Variants in PTPRT observed in about 807,000 individuals in gnomAD.
PTPRT encodes the protein receptor-type tyrosine-protein phosphatase T.
PTPRT carries 56 observed loss-of-function variants against 176.8 expected under a neutral mutation model. That is an observed-to-expected ratio of 0.32 (90% CI 0.26 to 0.40). PTPRT has a LOEUF of 0.40. Ranked by LOEUF, PTPRT falls within the 10% of genes least tolerant of loss-of-function variation. PTPRT has a pLI of 1.00. For missense variants in PTPRT, 1,540 were observed against 1,908.2 expected, an observed-to-expected ratio of 0.81 and a Z score of 3.60; for synonymous variants, 783 against 739.0, an observed-to-expected ratio of 1.06 and a Z score of -0.96.
intron 9 of PTPRT, among the ~76,000 whole-genome samples, chr20:42,411,400 C>T (rs1211191779): frequency 6.6e-6 from 1 of 151,082 alleles, no homozygotes; most frequent in Admixed American, 6.6e-5. Context: ...GCCTGTAATC[C>T]CAGCTACTCA....
intron 7 of PTPRT, among the ~76,000 whole-genome samples, chr20:42,593,648 T>C (rs1405344806): frequency 6.6e-6 from 1 of 152,134 alleles, no homozygotes; most frequent in Non-Finnish European, 1.5e-5. Flanking sequence ...CACATTAAGA[T>C]TAATAATGAC....
At chr20:43,025,980 G>A (rs1985892855) in intron 1 of PTPRT, among the ~76,000 whole-genome samples, 1 of 152,126 alleles carries the variant, frequency 6.6e-6, no homozygotes, top group African/African-American at 2.4e-5. Flanking sequence ...CATTCACTTG[G>A]ATGTTTAGGT....
chr20:42,141,822 T>C, intron 18 of PTPRT, 93 bp downstream of exon 18: 1 of 1,207,386 alleles, frequency 8.3e-7, no homozygotes, highest in East Asian at 2.3e-5. Flanking sequence ...CAAAGATTAT[T>C]TGATAACAAA....
At chr20:42,921,967 G>A (rs565014235) in intron 1 of PTPRT, among the ~76,000 whole-genome samples, 54 of 152,142 alleles carry the variant, frequency 3.5e-4, no homozygotes, top group African/African-American at 9.4e-4. Flanking sequence ...ATGGAGTCTC[G>A]CTGTGTCACC....
chr20:42,274,535 CAGTG>C (rs2056993108), intron 13 of PTPRT, among the ~76,000 whole-genome samples: 2 of 104,744 alleles, frequency 1.9e-5, no homozygotes, highest in African/African-American at 5.2e-5. Flanking sequence ...AGGCCCTGTA[CAGTG>C]TGTGTGTGTG....
At chr20:42,182,282 T>C (rs892249066) in intron 16 of PTPRT, among the ~76,000 whole-genome samples, 6 of 152,184 alleles carry the variant, frequency 3.9e-5, no homozygotes, top group African/African-American at 1.2e-4. Flanking sequence ...GAGTTTGTTT[T>C]TTAAAATTGA....
chr20:42,250,758 G>T (rs982344743), intron 13 of PTPRT, among the ~76,000 whole-genome samples: 1 of 152,138 alleles, frequency 6.6e-6, no homozygotes, highest in Non-Finnish European at 1.5e-5. Flanking sequence ...TCATTATTTT[G>T]CCATTGAGTG....
intron 1 of PTPRT, 117 bp from the exon 2 acceptor site, chr20:42,886,049 C>CTTTATATATATA (rs58536258): frequency 9.3e-6 from 4 of 431,362 alleles, no homozygotes; most frequent in African/African-American, 6.8e-5. Context: ...AGAAGATTTT[C>CTTTATATATATA]CATATATATA....
At chr20:42,445,112 C>T (rs563921135) in intron 9 of PTPRT, among the ~76,000 whole-genome samples, 36 of 152,102 alleles carry the variant, frequency 2.4e-4, no homozygotes, top group African/African-American at 2.9e-4. Flanking sequence ...ATGCTAATGC[C>T]GCTGGTCTAT....
chr20:42,211,879 A>G (rs1398234811), intron 15 of PTPRT, among the ~76,000 whole-genome samples: 1 of 151,766 alleles, frequency 6.6e-6, no homozygotes, highest in African/African-American at 2.4e-5. Flanking sequence ...TCACAATAGC[A>G]AAGACTTGGA....
chr20:43,048,358 G>A (rs1303202228), intron 1 of PTPRT, among the ~76,000 whole-genome samples: 11 of 152,188 alleles, frequency 7.2e-5, no homozygotes, highest in Non-Finnish European at 1.5e-4. Flanking sequence ...TGGTTATTAA[G>A]TCCCTTTCTG....
chr20:42,411,381 G>C (rs2059014982), intron 9 of PTPRT, among the ~76,000 whole-genome samples: 3 of 151,876 alleles, frequency 2.0e-5, no homozygotes. Context: ...GCCAGGCATG[G>C]TGGTGTGCGC....
intron 2 of PTPRT, 38 bp downstream of exon 2, chr20:42,885,769 C>T: frequency 6.3e-7 from 1 of 1,582,944 alleles, no homozygotes; most frequent in Non-Finnish European, 8.6e-7. Context: ...AAAAACTAGC[C>T]ATCCCCATTA....
chr20:42,423,427 A>C (rs1236088731), intron 9 of PTPRT, among the ~76,000 whole-genome samples: 5 of 152,108 alleles, frequency 3.3e-5, no homozygotes, highest in East Asian at 1.9e-4. Flanking sequence ...CAACCCTTCT[A>C]ATACACCCTC....
chr20:42,433,102 A>G (rs572576684), intron 9 of PTPRT, among the ~76,000 whole-genome samples: 2 of 152,330 alleles, frequency 1.3e-5, no homozygotes, highest in Admixed American at 1.3e-4. Flanking sequence ...GCTTTAATCT[A>G]CTGGCAAATG....
intron 1 of PTPRT, among the ~76,000 whole-genome samples, chr20:42,996,003 T>C (rs1032687245): frequency 5.3e-5 from 8 of 152,002 alleles, no homozygotes; most frequent in African/African-American, 1.9e-4. Flanking sequence ...TTTATTATTT[T>C]TTTTGTTTGT....
At chr20:42,303,354 C>G (rs1278909458) in intron 12 of PTPRT, among the ~76,000 whole-genome samples, 1 of 152,140 alleles carries the variant, frequency 6.6e-6, no homozygotes, top group Non-Finnish European at 1.5e-5. Flanking sequence ...TCAAGATTGA[C>G]TGAGGGACTT....
chr20:42,994,366 T>C (rs1984114010), intron 1 of PTPRT, among the ~76,000 whole-genome samples: 1 of 152,124 alleles, frequency 6.6e-6, no homozygotes, highest in East Asian at 1.9e-4. Flanking sequence ...ACTTGTGAGG[T>C]GCCACAAAAC....
At chr20:42,936,567 C>T (rs151085973) in intron 1 of PTPRT, among the ~76,000 whole-genome samples, 3,241 of 152,262 alleles carry the variant, frequency 0.021, 47 homozygotes, top group South Asian at 0.037. Flanking sequence ...CTTAACAAGT[C>T]TCCTCTTGAC....
Sources: allele counts gnomAD v4.1 joint callset (sites outside exome capture counted in the v4.1 genomes callset), GRCh38; gene constraint gnomAD v4.1.1; transcripts MANE v1.5; gene names NCBI Gene and HGNC (gene_info 2026-07-23, HGNC 2026-07-21).